Variants in IQCJ observed in about 807,000 individuals in gnomAD.
The protein encoded by IQCJ is IQ motif containing J.
In IQCJ, 9 loss-of-function variants were observed where a neutral mutation model predicts 11.0. The ratio of observed to expected loss-of-function variants is 0.82; its 90% CI spans 0.49 to 1.43. IQCJ has a LOEUF of 1.43. IQCJ is among the 40% of genes most tolerant of loss of function. The pLI, the probability that IQCJ is intolerant of heterozygous loss-of-function variation, is 0.00. For synonymous variants in IQCJ, 55 were observed against 51.3 expected (o/e 1.07, Z -0.31); for missense variants, 146 against 133.2 (o/e 1.10, Z -0.47).
At chr3:159,109,349 G>A (rs1718467521) in intron 1 of IQCJ, among the ~76,000 whole-genome samples, 1 of 152,006 alleles carries the variant, frequency 6.6e-6, no homozygotes, top group Non-Finnish European at 1.5e-5. Flanking sequence ...TGATCACACA[G>A]CCCACAAGAG....
chr3:159,085,942 T>C (rs1012923904), intron 1 of IQCJ, among the ~76,000 whole-genome samples: 5 of 152,078 alleles, frequency 3.3e-5, no homozygotes, highest in Admixed American at 3.3e-4. Context: ...TTTGTCAATT[T>C]TGGCTTTTGT....
At chr3:159,159,278 G>A (rs1721702190) in intron 1 of IQCJ, among the ~76,000 whole-genome samples, 1 of 152,092 alleles carries the variant, frequency 6.6e-6, no homozygotes. Flanking sequence ...TAAAGGAGAA[G>A]GTTGGGGCTG....
Position 159,262,856 on chromosome 3 carries a change from A to G in IQCJ, c.*125A>G, listed in dbSNP as rs1728297677. The stretch of plus-strand genomic sequence containing the variant: ...GGTGAGAGTTTTGTCACCTCAAAAT[A>G]AAGACACAATTCATAAGCACAAAGT... On this transcript the variant is annotated 3_prime_UTR_variant, in exon 4 of 4. Coordinates refer to ENST00000397832, the MANE Select transcript of IQCJ (RefSeq NM_001042706.3). The G allele has an allele frequency of 7.0e-7, 1 of 1,429,930 alleles. No individual in the cohort carries two copies. The highest frequency in any genetic ancestry group is 2.4e-5 in the East Asian group (1 of 41,898). 88.6% of individuals were successfully genotyped at this position (1,429,930 alleles called of 1,614,324 possible). A position where few individuals can be genotyped will look rare whatever the true frequency, so the allele number is the denominator to read the frequency against.
At chr3:159,206,627 G>A (rs1372507282) in intron 1 of IQCJ, among the ~76,000 whole-genome samples, 1 of 152,100 alleles carries the variant, frequency 6.6e-6, no homozygotes, top group Non-Finnish European at 1.5e-5. Context: ...TGATAAAACA[G>A]GTCACATATT....
chr3:159,238,441 G>A (rs1276954996), intron 1 of IQCJ, among the ~76,000 whole-genome samples: 2 of 152,254 alleles, frequency 1.3e-5, no homozygotes, highest in East Asian at 3.9e-4. Flanking sequence ...GATTTTTTGG[G>A]CCATTAAGCT....
At chr3:159,177,842 A>G (rs568527657) in intron 1 of IQCJ, among the ~76,000 whole-genome samples, 52 of 152,340 alleles carry the variant, frequency 3.4e-4, no homozygotes, top group African/African-American at 1.2e-3. Flanking sequence ...TAAATACAGT[A>G]CCAATTTATA....
At chr3:159,169,126 C>T (rs939771166) in intron 1 of IQCJ, among the ~76,000 whole-genome samples, 1 of 151,966 alleles carries the variant, frequency 6.6e-6, no homozygotes, top group South Asian at 2.1e-4. Flanking sequence ...TATTGGTATT[C>T]CTTTCTTATA....
In IQCJ at chr3:159,226,923, T is replaced by C. The variant is rs556882210; in HGVS notation, c.10-18920T>C. 3.3e-5 allele frequency among the ~76,000 whole-genome samples: 5 copies of C among 152,364 alleles called. No homozygotes were observed. The South Asian group carries it at 1.0e-3, about 32-fold the overall frequency. ...TGTTGGATTGTGTGTGTTGTGTCCA[T>C]GTGCATGTATGTGTACATTCTCTAA... is the stretch of plus-strand genomic sequence containing the variant. On this transcript the variant is annotated intron_variant, in intron 1 of 3. Coordinates refer to ENST00000397832, the MANE Select transcript of IQCJ (RefSeq NM_001042706.3).
chr3:159,139,609 T>C (rs908871602), intron 1 of IQCJ, among the ~76,000 whole-genome samples: 1 of 152,160 alleles, frequency 6.6e-6, no homozygotes, highest in Non-Finnish European at 1.5e-5. Context: ...TTGCCAGCTG[T>C]TGGGGCTGTT....
At chr3:159,091,829 A>T (rs754334147) in intron 1 of IQCJ, among the ~76,000 whole-genome samples, 4 of 151,804 alleles carry the variant, frequency 2.6e-5, no homozygotes, top group Non-Finnish European at 4.4e-5. Context: ...CCATGGGTTC[A>T]TAGTGATTCT....
chr3:159,250,424 T>C (rs183569949), intron 2 of IQCJ, among the ~76,000 whole-genome samples: 45 of 152,280 alleles, frequency 3.0e-4, no homozygotes, highest in African/African-American at 1.0e-3. Flanking sequence ...GTATATATAA[T>C]ATATAGAATT....
intron 1 of IQCJ, among the ~76,000 whole-genome samples, chr3:159,089,414 C>T (rs1401408655): frequency 2.0e-5 from 3 of 151,856 alleles, no homozygotes; most frequent in Admixed American, 6.6e-5. Flanking sequence ...TTGCTCTTCT[C>T]GAGGAGTATC....
intron 1 of IQCJ, among the ~76,000 whole-genome samples, chr3:159,152,271 A>G (rs1721272627): frequency 6.6e-6 from 1 of 152,166 alleles, no homozygotes; most frequent in Non-Finnish European, 1.5e-5. Flanking sequence ...CTGTGGCATC[A>G]GGGGGAGTTT....
intron 1 of IQCJ, among the ~76,000 whole-genome samples, chr3:159,181,700 T>C (rs1196141489): frequency 6.6e-6 from 1 of 151,754 alleles, no homozygotes; most frequent in African/African-American, 2.4e-5. Flanking sequence ...CATAGAGTCC[T>C]TCTAGAATCC....
intron 1 of IQCJ, among the ~76,000 whole-genome samples, chr3:159,143,722 G>A (rs1236464124): frequency 6.6e-6 from 1 of 152,180 alleles, no homozygotes; most frequent in Non-Finnish European, 1.5e-5. Context: ...ATTATAGCCA[G>A]TCAACTCTTT....
intron 1 of IQCJ, among the ~76,000 whole-genome samples, chr3:159,161,969 C>A (rs1477125910): frequency 6.6e-6 from 1 of 152,180 alleles, no homozygotes; most frequent in Non-Finnish European, 1.5e-5. Context: ...TAGCGTGATG[C>A]CTCCAGCTTT....
At chr3:159,256,309 T>C (rs893464624) in intron 3 of IQCJ, among the ~76,000 whole-genome samples, 2 of 152,120 alleles carry the variant, frequency 1.3e-5, no homozygotes, top group Non-Finnish European at 2.9e-5. Context: ...TTATATTTGA[T>C]TTTGTAATGA....
chr3:159,104,131 T>A (rs1718100045), intron 1 of IQCJ, among the ~76,000 whole-genome samples: 1 of 152,216 alleles, frequency 6.6e-6, no homozygotes, highest in Non-Finnish European at 1.5e-5. Flanking sequence ...GGCCATTTAC[T>A]CTTCCCCAAA....
chr3:159,261,470 G>A (rs1728201054), intron 3 of IQCJ, among the ~76,000 whole-genome samples: 1 of 152,152 alleles, frequency 6.6e-6, no homozygotes, highest in African/African-American at 2.4e-5. Context: ...GTGACCAGAT[G>A]TAGACAATTG....
Sources: gnomAD v4.1 joint callset for allele counts (sites outside exome capture counted in the v4.1 genomes callset) on GRCh38, gnomAD v4.1.1 for gene constraint, MANE v1.5 for transcripts, NCBI Gene and HGNC (gene_info 2026-07-23, HGNC 2026-07-21) for gene names.